The following EYS variants were observed in gnomAD, a reference collection of about 807,000 sequenced individuals.
EYS encodes the protein protein eyes shut homolog.
A neutral mutation model predicts 282.1 loss-of-function variants in EYS; 250 were observed. That is an observed-to-expected ratio of 0.89 (90% CI 0.80 to 0.98). The LOEUF (loss-of-function observed/expected upper bound fraction) is 0.98. EYS is among the 50% of genes least tolerant of loss of function. The pLI is 0.00. For missense variants in EYS, 4,016 were observed against 3,709.0 expected (o/e 1.08, Z -2.15); for synonymous variants, 1,355 against 1,282.9 (o/e 1.06, Z -1.20).
chr6:65,190,940 T>C (rs1765627414), intron 12 of EYS, among the ~76,000 whole-genome samples: 1 of 151,808 alleles, frequency 6.6e-6, no homozygotes, highest in African/African-American at 2.4e-5. Flanking sequence ...AATGAGGGAC[T>C]GTAAAAGTGG....
chr6:64,920,904 C>T (rs1583295126), intron 15 of EYS, among the ~76,000 whole-genome samples: 1 of 152,086 alleles, frequency 6.6e-6, no homozygotes, highest in East Asian at 1.9e-4. Context: ...CATAAATCTT[C>T]AGCATGTCAG....
At chr6:64,605,484 A>G (rs994954331) in intron 24 of EYS, among the ~76,000 whole-genome samples, 6 of 151,976 alleles carry the variant, frequency 3.9e-5, no homozygotes, top group South Asian at 2.1e-4. Context: ...CATAATTACT[A>G]CAGGTGCAAA....
chr6:65,624,669 G>C (rs1025740865), intron 2 of EYS, among the ~76,000 whole-genome samples: 1 of 152,182 alleles, frequency 6.6e-6, no homozygotes, highest in African/African-American at 2.4e-5. Context: ...GGCAGGAGAA[G>C]GTGGAAGAGC....
At chr6:63,732,409 G>T (rs868626042) in intron 41 of EYS, among the ~76,000 whole-genome samples, 2 of 152,210 alleles carry the variant, frequency 1.3e-5, no homozygotes, top group South Asian at 2.1e-4. Flanking sequence ...CAAAATATTG[G>T]TGCAAGATGT....
intron 14 of EYS, among the ~76,000 whole-genome samples, chr6:64,953,190 T>C (rs1033108973): frequency 8.6e-5 from 13 of 151,878 alleles, no homozygotes; most frequent in Non-Finnish European, 1.6e-4. Flanking sequence ...AGAATTATTG[T>C]ATTTTATTCA....
chr6:63,844,660 T>C (rs184412001), intron 36 of EYS, among the ~76,000 whole-genome samples: 1 of 152,290 alleles, frequency 6.6e-6, no homozygotes, highest in East Asian at 1.9e-4. Context: ...AATGTCCTTT[T>C]GGAGAAGTGT....
chr6:65,301,146 T>C (rs1426262666), intron 11 of EYS, among the ~76,000 whole-genome samples: 4 of 152,162 alleles, frequency 2.6e-5, no homozygotes, highest in Non-Finnish European at 5.9e-5. Context: ...TCCTGATGCT[T>C]TGCATTTTAA....
chr6:63,886,500 T>G (rs2149721770), intron 35 of EYS, among the ~76,000 whole-genome samples: 1 of 152,318 alleles, frequency 6.6e-6, no homozygotes, highest in South Asian at 2.1e-4. Context: ...GTTTGGAACA[T>G]TTCAAGAAGT....
intron 5 of EYS, among the ~76,000 whole-genome samples, chr6:65,482,890 T>G (rs1765656633): frequency 6.6e-6 from 1 of 152,196 alleles, no homozygotes. Context: ...AAACAGTTTA[T>G]TTTCTGACAA....
chr6:65,644,665 A>G (rs1401679726), intron 1 of EYS, among the ~76,000 whole-genome samples: 7 of 152,220 alleles, frequency 4.6e-5, no homozygotes, highest in Non-Finnish European at 1.0e-4. Context: ...CAGTGAGGCA[A>G]AAGCATCACG....
rs1388911906 is a variant in EYS at position 65,326,811 on chromosome 6, T to C, written c.1766+8169A>G. Among the ~76,000 whole-genome samples, 3 of 151,678 alleles carry C rather than the reference T, an allele frequency of 2.0e-5. No individual in the cohort carries two copies. In the East Asian group the frequency reaches 5.8e-4, roughly 29 times the overall value. ...TGTTTTATCTTTTGGGTTACTATTG[T>C]AAATAAAATATTAGTCTTCATTTTA... On this transcript the variant is annotated intron_variant, in intron 11 of 42. Coordinates refer to ENST00000503581, the MANE Select transcript of EYS (RefSeq NM_001142800.2).
chr6:64,400,809 A>C (rs2150435993), intron 28 of EYS, among the ~76,000 whole-genome samples: 1 of 151,724 alleles, frequency 6.6e-6, no homozygotes, highest in Middle Eastern at 3.4e-3. Flanking sequence ...TGTATGTAAA[A>C]CTCTCTTGAG....
intron 34 of EYS, among the ~76,000 whole-genome samples, chr6:63,996,474 CAATAG>C (rs1291702519): frequency 2.0e-5 from 3 of 151,658 alleles, no homozygotes; most frequent in Non-Finnish European, 4.4e-5. Flanking sequence ...GTAATAGTTG[CAATAG>C]AATAAAGGAA....
intron 31 of EYS, among the ~76,000 whole-genome samples, chr6:64,204,284 C>T (rs1481398005): frequency 6.6e-6 from 1 of 152,138 alleles, no homozygotes; most frequent in Non-Finnish European, 1.5e-5. Flanking sequence ...AAAGCACTCA[C>T]AATCACTTCG....
At chr6:65,260,547 CTTTG>C (rs1767593757) in intron 12 of EYS, among the ~76,000 whole-genome samples, 1 of 151,942 alleles carries the variant, frequency 6.6e-6, no homozygotes, top group South Asian at 2.1e-4. Context: ...TTAAAATTGT[CTTTG>C]TTTGAATTAT....
chr6:64,343,144 A>C (rs1055399036), intron 29 of EYS, among the ~76,000 whole-genome samples: 19 of 151,976 alleles, frequency 1.3e-4, no homozygotes, highest in African/African-American at 3.9e-4. Context: ...TTAGACAGAT[A>C]AATGAGACAG....
intron 22 of EYS, among the ~76,000 whole-genome samples, chr6:64,734,311 A>T (rs556121738): frequency 3.3e-5 from 5 of 152,174 alleles, no homozygotes; most frequent in Non-Finnish European, 7.3e-5. Flanking sequence ...CTATAGAAAA[A>T]AATATTTCTA....
intron 13 of EYS, among the ~76,000 whole-genome samples, chr6:65,006,503 CAAAAAAAAA>C (rs59057058): frequency 1.3e-4 from 11 of 83,300 alleles, no homozygotes; most frequent in Admixed American, 1.5e-4. Context: ...TATTCTAAGT[CAAAAAAAAA>C]AAAAAAAAAA....
At chr6:64,488,584 C>A (rs1414701939) in intron 26 of EYS, among the ~76,000 whole-genome samples, 1 of 151,052 alleles carries the variant, frequency 6.6e-6, no homozygotes, top group African/African-American at 2.4e-5. Context: ...TATTTCAAAA[C>A]AAAGTCTGGG....
Sources: allele counts gnomAD v4.1 joint callset (sites outside exome capture counted in the v4.1 genomes callset), GRCh38; gene constraint gnomAD v4.1.1; transcripts MANE v1.5; gene names NCBI Gene and HGNC (gene_info 2026-07-23, HGNC 2026-07-21).